The following WDR33 variants were observed in gnomAD, a reference collection of about 807,000 sequenced individuals.
WDR33 encodes WD repeat domain 33.
Under a neutral mutation model 164.9 loss-of-function variants are expected in WDR33, and 47 were observed. The ratio of observed to expected loss-of-function variants is 0.29; its 90% CI spans 0.23 to 0.36. The LOEUF (loss-of-function observed/expected upper bound fraction) is 0.36, where lower values mean the gene tolerates loss of function less well. Ranked by LOEUF, WDR33 falls within the 10% of genes least tolerant of loss-of-function variation. WDR33 has a pLI of 1.00. For missense variants in WDR33, 1,137 were observed against 1,754.1 expected (o/e 0.65, Z 6.28); for synonymous variants, 505 against 589.0 (o/e 0.86, Z 2.06).
chr2:127,765,540 T>G (rs947788918), intron 4 of WDR33, among the ~76,000 whole-genome samples: 4 of 152,078 alleles, frequency 2.6e-5, no homozygotes, highest in African/African-American at 9.7e-5. Flanking sequence ...CACACACGTA[T>G]GCATGCTAAA....
At chr2:127,778,072 T>G (rs1484695062) in intron 1 of WDR33, among the ~76,000 whole-genome samples, 1 of 152,044 alleles carries the variant, frequency 6.6e-6, no homozygotes, top group Non-Finnish European at 1.5e-5. Context: ...GGCAGGAGGA[T>G]CTCTTGAGGC....
At chr2:127,750,707 TATATATGTATGTATGCATAC>T (rs1687321747) in intron 7 of WDR33, among the ~76,000 whole-genome samples, 2 of 53,644 alleles carry the variant, frequency 3.7e-5, no homozygotes, top group African/African-American at 2.2e-4. Flanking sequence ...TATATATATA[TATATATGTATGTATGCATAC>T]ATATATATGT....
At position 127,718,241 on chromosome 2, in the gene WDR33, TG is replaced by T. The variant is rs1686343436; in HGVS notation, c.2761-979del. Among the ~76,000 whole-genome samples the T allele has an allele frequency of 6.6e-6, 1 of 152,114 alleles. No homozygotes were observed. Among genetic ancestry groups the T allele is most frequent in the African/African-American group, 2.4e-5 (1 of 41,440 alleles). ...TCATCTTTACATTAGGGATTCGTGG[TG>T]GTATTTGAAAAACCAAAACAGACTG... On this transcript the variant is annotated intron_variant, in intron 16 of 21. Coordinates refer to ENST00000322313, the MANE Select transcript of WDR33 (RefSeq NM_018383.5). This position sits in a 1 kb window ranked among gnomAD's most constrained non-coding sequence, Gnocchi z 4.4.
chr2:127,784,611 G>A (rs2105466441), intron 1 of WDR33, among the ~76,000 whole-genome samples: 1 of 152,176 alleles, frequency 6.6e-6, no homozygotes, highest in South Asian at 2.1e-4. Flanking sequence ...GAACTCCTGG[G>A]CTCAATCTAT....
rs543151611 is a variant in WDR33 at position 127,735,505 on chromosome 2, T to C, written c.725-8728A>G. On this transcript the variant is annotated intron_variant, in intron 7 of 21. Coordinates refer to ENST00000322313, the MANE Select transcript of WDR33 (RefSeq NM_018383.5). The surrounding 1 kb of genome is among the most constrained non-coding windows in gnomAD (Gnocchi z 4.3). Reference sequence around the variant, plus strand: ...AAAAAATTCTTTTATACAAAACTTATAAAAAGCACCAAGATTTTCTAATAC... The same window carrying C: ...AAAAAATTCTTTTATACAAAACTTACAAAAAGCACCAAGATTTTCTAATAC... 5.1e-6 allele frequency: 5 copies of C among 985,356 alleles called. No individual in the cohort carries two copies. Among genetic ancestry groups the C allele is most frequent in the East Asian group, 2.3e-4 (2 of 8,824 alleles). The allele number at this position is 985,356 out of a possible 1,614,324, so 61.0% of individuals were successfully genotyped here.
chr2:127,729,053 T>C (rs1440039467), intron 7 of WDR33, among the ~76,000 whole-genome samples: 1 of 152,240 alleles, frequency 6.6e-6, no homozygotes, highest in Non-Finnish European at 1.5e-5. Flanking sequence ...ATCTCATGAA[T>C]TTACCCATAT....
Position 127,718,722 on chromosome 2 carries a change from CTT to C in WDR33, c.2760+541_2760+542del. ...ATGCTCAATTCTGGAATAACAGTCT[CTT>C]TATTTCTATTCACTGTAATAAACAG... On this transcript the variant is annotated intron_variant, in intron 16 of 21. Transcript: ENST00000322313. This position sits in a 1 kb window ranked among gnomAD's most constrained non-coding sequence, Gnocchi z 4.4. Among the ~76,000 whole-genome samples, 1 of 152,314 alleles carries C rather than the reference CTT, an allele frequency of 6.6e-6. No individual in the cohort carries two copies. Among genetic ancestry groups the C allele is most frequent in the South Asian group, 2.1e-4 (1 of 4,824 alleles).
intron 1 of WDR33, among the ~76,000 whole-genome samples, chr2:127,805,165 C>A (rs993586305): frequency 1.1e-4 from 16 of 148,974 alleles, no homozygotes; most frequent in Non-Finnish European, 3.0e-5. Flanking sequence ...GCAGCCTCCA[C>A]CTCTCTGGCT....
In WDR33 at chr2:127,713,731, A is replaced by G. The variant is rs1432648565; in HGVS notation, c.3160T>C (p.Phe1054Leu). The change falls in exon 18 of 22, where the codon TTT becomes CTT. Residue 1054 changes from phenylalanine (F) to leucine (L), a missense_variant. Coordinates refer to ENST00000322313, the MANE Select transcript of WDR33 (RefSeq NM_018383.5). This position sits in a 1 kb window ranked among gnomAD's most constrained non-coding sequence, Gnocchi z 6.2. ...KWRRGGPGPP[F>L]PPDHREFSEG... is the part of the protein sequence containing the mutation. ...CTGAATTCCCTGTGATCAGGGGGAA[A>G]CGGAGGCCCAGGGCCCCCTCGCCTC... 2.5e-6 allele frequency: 4 copies of G among 1,614,086 alleles called. No individual in the cohort carries two copies. Among genetic ancestry groups the G allele is most frequent in the Admixed American group, 3.3e-5 (2 of 60,018 alleles).
In WDR33 at chr2:127,764,558, A is replaced by C; in HGVS notation, c.626+270T>G. The C allele has an allele frequency of 6.5e-7, 1 of 1,549,208 alleles. No homozygotes were observed. Among genetic ancestry groups the C allele is most frequent in the Non-Finnish European group, 8.7e-7 (1 of 1,146,400 alleles). ...AAGGAATAACGTATACACATTATTAATCATAAATGAAAAGAGAAAACCAGT... is the reference window on the plus strand; with the variant it reads ...AAGGAATAACGTATACACATTATTACTCATAAATGAAAAGAGAAAACCAGT... On this transcript the variant is annotated intron_variant, in intron 6 of 21. Coordinates refer to ENST00000322313, the MANE Select transcript of WDR33 (RefSeq NM_018383.5). This position sits in a 1 kb window ranked among gnomAD's most constrained non-coding sequence, Gnocchi z 6.2.
chr2:127,752,383 G>A (rs1048359415), intron 7 of WDR33, among the ~76,000 whole-genome samples: 3 of 151,806 alleles, frequency 2.0e-5, no homozygotes, highest in African/African-American at 4.8e-5. Flanking sequence ...GAGGTCAGGA[G>A]ATCGAGACCA....
intron 1 of WDR33, among the ~76,000 whole-genome samples, chr2:127,803,837 G>A (rs1689337853): frequency 6.6e-6 from 1 of 151,588 alleles, no homozygotes; most frequent in African/African-American, 2.4e-5. Flanking sequence ...AGTGCCAGGT[G>A]CTTGGGAGAC....
At chr2:127,774,447 G>A (rs1425726325) in intron 1 of WDR33, among the ~76,000 whole-genome samples, 1 of 152,110 alleles carries the variant, frequency 6.6e-6, no homozygotes, top group Non-Finnish European at 1.5e-5. Flanking sequence ...ACTATAAAAT[G>A]AGAATAGATT....
intron 4 of WDR33, 137 bp downstream of exon 4, chr2:127,768,052 T>A: frequency 1.9e-6 from 1 of 514,918 alleles, no homozygotes; most frequent in East Asian, 3.4e-5. Flanking sequence ...TATTCCAAAA[T>A]AAAATTACTA....
chr2:127,748,210 C>T (rs1418577459), intron 7 of WDR33, among the ~76,000 whole-genome samples: 1 of 152,116 alleles, frequency 6.6e-6, no homozygotes, highest in African/African-American at 2.4e-5. Flanking sequence ...CAAAATTATC[C>T]AAAGCCCAAA....
chr2:127,735,544 G>T lies in WDR33; in HGVS notation c.725-8767C>A, dbSNP rs1686817114. 1 of 985,582 alleles carries T rather than the reference G, an allele frequency of 1.0e-6. No homozygotes were observed. The highest frequency in any genetic ancestry group is 6.2e-5 in the Admixed American group (1 of 16,248). The allele number at this position is 985,582 out of a possible 1,614,324, so 61.1% of individuals were successfully genotyped here. A position where few individuals can be genotyped will look rare whatever the true frequency, so the allele number is the denominator to read the frequency against. ...ATTTTCTAATACAGGAAGAAAAAAG[G>T]CAAACAAAGAATTCAAGTACCATCT... On this transcript the variant is annotated intron_variant, in intron 7 of 21. Transcript: ENST00000322313. This position sits in a 1 kb window ranked among gnomAD's most constrained non-coding sequence, Gnocchi z 4.3.
rs2105363300 is a variant in WDR33, at chr2:127,701,514, A to G, written c.*4809T>C. On this transcript the variant is annotated 3_prime_UTR_variant, in exon 22 of 22. Transcript: ENST00000322313. ...TGAGCCGCAGCTTTTCCTTTCTGCCACCGCCTTGTCCAAGATGGCGGACCT... is the reference window on the plus strand; with the variant it reads ...TGAGCCGCAGCTTTTCCTTTCTGCCGCCGCCTTGTCCAAGATGGCGGACCT... 1 of 1,294,140 alleles carries G rather than the reference A, an allele frequency of 7.7e-7. No homozygotes were observed. The highest frequency in any genetic ancestry group is 9.8e-7 in the Non-Finnish European group (1 of 1,017,226). The allele number at this position is 1,294,140 out of a possible 1,614,324, so 80.2% of individuals were successfully genotyped here.
chr2:127,720,492 AGAGT>A lies in WDR33; in HGVS notation c.1672-143_1672-140del. 9.4e-7 allele frequency: 1 copy of A among 1,059,350 alleles called. No individual in the cohort carries two copies. Among genetic ancestry groups the A allele is most frequent in the Non-Finnish European group, 1.3e-6 (1 of 791,056 alleles). 65.6% of individuals were successfully genotyped at this position (1,059,350 alleles called of 1,614,324 possible). On this transcript the variant is annotated intron_variant, in intron 15 of 21. Transcript: ENST00000322313. This position sits in a 1 kb window ranked among gnomAD's most constrained non-coding sequence, Gnocchi z 5.9. ...AACTCTTCACGCTCCAGTGGTAATT[AGAGT>A]CCATGCAACACTCAAGCACTGTAAG...
chr2:127,719,566 A>C lies in WDR33; in HGVS notation c.2459T>G (p.Leu820Arg). The C allele has an allele frequency of 6.2e-7, 1 of 1,613,738 alleles. No individual in the cohort carries two copies. The highest frequency in any genetic ancestry group is 8.5e-7 in the Non-Finnish European group (1 of 1,179,946). The change falls in exon 16 of 22, where the codon CTG becomes CGG. Residue 820 changes from leucine (L) to arginine (R), a missense_variant. Transcript: ENST00000322313. The surrounding 1 kb of genome is among the most constrained non-coding windows in gnomAD (Gnocchi z 6.5). ...TCTCATTTCCTGAGGGCCGTGTCCC[A>C]GTAGTCCACCTGGAGGGTGAGGTCC... ...MRGPHPPGGL[L>R]GHGPQEMRGP...
Sources: allele counts gnomAD v4.1 joint callset (sites outside exome capture counted in the v4.1 genomes callset), GRCh38; gene constraint gnomAD v4.1.1; non-coding constraint Gnocchi (gnomAD v3.1); transcripts MANE v1.5; gene names NCBI Gene and HGNC (gene_info 2026-07-23, HGNC 2026-07-21).